The following FGGY variants were observed in gnomAD, a reference collection of about 807,000 sequenced individuals.
FGGY encodes the protein FGGY carbohydrate kinase domain containing, also known as FGGY carbohydrate kinase domain-containing protein.
In FGGY, 72 loss-of-function variants were observed where a neutral mutation model predicts 71.3. That is an observed-to-expected ratio of 1.01 (90% CI 0.84 to 1.23). The LOEUF is 1.23. Among genes scored for constraint, FGGY ranks in the 50% most tolerant of loss-of-function variants. The pLI is 0.00. For missense variants in FGGY, 668 were observed against 682.3 expected (o/e 0.98, Z 0.23); for synonymous variants, 251 against 250.3 (o/e 1.00, Z -0.02).
intron 5 of FGGY, among the ~76,000 whole-genome samples, chr1:59,392,617 C>T (rs1323139935): frequency 6.6e-6 from 1 of 152,318 alleles, no homozygotes; most frequent in East Asian, 1.9e-4. Flanking sequence ...TAAAGTCAAA[C>T]CTTAGAATCC....
intron 7 of FGGY, among the ~76,000 whole-genome samples, chr1:59,537,171 G>A (rs142579387): frequency 0.99 from 147,575 of 148,372 alleles, 73,391 homozygotes; most frequent in East Asian, 1. Context: ...AAATCAATGT[G>A]CAAAAATCAC....
At chr1:59,528,828 T>C (rs971568685) in intron 7 of FGGY, among the ~76,000 whole-genome samples, 1 of 152,242 alleles carries the variant, frequency 6.6e-6, no homozygotes, top group Non-Finnish European at 1.5e-5. Flanking sequence ...ATATTAAATA[T>C]GCCCAGTAAT....
intron 7 of FGGY, among the ~76,000 whole-genome samples, chr1:59,521,035 G>GT (rs1553260232): frequency 0.13 from 11,182 of 86,322 alleles, 555 homozygotes; most frequent in Non-Finnish European, 0.15. Context: ...GAAATTGGGG[G>GT]TGGGGGGGGA....
chr1:59,611,331 C>T, intron 9 of FGGY, among the ~76,000 whole-genome samples: 1 of 152,180 alleles, frequency 6.6e-6, no homozygotes, highest in Non-Finnish European at 1.5e-5. Flanking sequence ...GAGGAAGGAT[C>T]AGGCAGCAAC....
chr1:59,696,560 C>T (rs2097660898), intron 14 of FGGY, among the ~76,000 whole-genome samples: 1 of 152,176 alleles, frequency 6.6e-6, no homozygotes, highest in South Asian at 2.1e-4. Flanking sequence ...GAGCAAGTGG[C>T]GGGGGCCCAG....
At chr1:59,611,418 A>G (rs1572067982) in intron 9 of FGGY, among the ~76,000 whole-genome samples, 2 of 152,196 alleles carry the variant, frequency 1.3e-5, no homozygotes, top group African/African-American at 4.8e-5. Context: ...GCAATCTCCA[A>G]CAGACCTGCA....
chr1:59,406,042 A>G (rs2062686295), intron 5 of FGGY, among the ~76,000 whole-genome samples: 1 of 152,014 alleles, frequency 6.6e-6, no homozygotes, highest in South Asian at 2.1e-4. Flanking sequence ...TGAAACAAAA[A>G]GCATTCTATC....
At chr1:59,665,375 T>A (rs1458596191) in intron 12 of FGGY, among the ~76,000 whole-genome samples, 1 of 152,180 alleles carries the variant, frequency 6.6e-6, no homozygotes, top group Non-Finnish European at 1.5e-5. Context: ...TTTTACCTAA[T>A]CCATATTTTT....
intron 5 of FGGY, among the ~76,000 whole-genome samples, chr1:59,449,563 G>A (rs12735547): frequency 0.028 from 4,250 of 152,248 alleles, 90 homozygotes; most frequent in Middle Eastern, 0.041. Context: ...GATTATAGGC[G>A]TGAGCCACCA....
intron 14 of FGGY, among the ~76,000 whole-genome samples, chr1:59,715,839 C>T (rs993624237): frequency 1.3e-5 from 2 of 152,108 alleles, no homozygotes; most frequent in African/African-American, 4.8e-5. Context: ...CAAACTACTC[C>T]CCACAGGCCA....
At chr1:59,465,419 T>C (rs1243822769) in intron 6 of FGGY, among the ~76,000 whole-genome samples, 1 of 152,162 alleles carries the variant, frequency 6.6e-6, no homozygotes, top group East Asian at 1.9e-4. Context: ...GGGCAAAAAC[T>C]GGAAGCATTC....
intron 14 of FGGY, among the ~76,000 whole-genome samples, chr1:59,688,510 T>C (rs1232762154): frequency 7.2e-5 from 11 of 152,190 alleles, no homozygotes; most frequent in Admixed American, 7.2e-4. Context: ...ACAGAAACAA[T>C]ATTCAGCCTT....
At chr1:59,660,463 T>C (rs1431220964) in intron 12 of FGGY, 170 bp downstream of exon 12, 4 of 480,596 alleles carry the variant, frequency 8.3e-6, no homozygotes, top group Non-Finnish European at 1.5e-5. Flanking sequence ...ATGAAAGGCC[T>C]CACCTGCTTT....
At chr1:59,699,795 A>G (rs2097694855) in intron 14 of FGGY, among the ~76,000 whole-genome samples, 1 of 152,222 alleles carries the variant, frequency 6.6e-6, no homozygotes, top group Non-Finnish European at 1.5e-5. Context: ...TGTAACAGGC[A>G]TGTCCCGCGT....
intron 14 of FGGY, among the ~76,000 whole-genome samples, chr1:59,742,934 T>A (rs1206656855): frequency 6.6e-6 from 1 of 152,238 alleles, no homozygotes; most frequent in Non-Finnish European, 1.5e-5. Flanking sequence ...ACTTTTACCA[T>A]TCTTTAGTTT....
Position 59,518,323 on chromosome 1 carries a change from C to T in FGGY, c.799+5884C>T, listed in dbSNP as rs61787020. Among the ~76,000 whole-genome samples the T allele has an allele frequency of 5.2e-3, 797 of 152,210 alleles. 5 individuals carry two copies. Among genetic ancestry groups the T allele is most frequent in the Admixed American group, 0.013 (196 of 15,294 alleles). On this transcript the variant is annotated intron_variant, in intron 7 of 15. Coordinates refer to ENST00000303721, the MANE Select transcript of FGGY (RefSeq NM_018291.5). Reference sequence around the variant, plus strand: ...GTTCTAGAAGACAGGATAAAGGCTGCGATCTAAAGCCTGCGACTTTAGATA... The same window carrying T: ...GTTCTAGAAGACAGGATAAAGGCTGTGATCTAAAGCCTGCGACTTTAGATA...
intron 14 of FGGY, among the ~76,000 whole-genome samples, chr1:59,678,655 T>C: frequency 6.6e-6 from 1 of 152,182 alleles, no homozygotes; most frequent in African/African-American, 2.4e-5. Context: ...CAGATGTCAT[T>C]AGCTTTCTGT....
intron 14 of FGGY, among the ~76,000 whole-genome samples, chr1:59,724,235 T>C (rs1160483519): frequency 1.3e-5 from 2 of 151,748 alleles, no homozygotes; most frequent in Admixed American, 6.6e-5. Flanking sequence ...TCCCAGCACT[T>C]TGGGAGGCCG....
chr1:59,663,246 A>G (rs1304584747), intron 12 of FGGY, among the ~76,000 whole-genome samples: 1 of 152,222 alleles, frequency 6.6e-6, no homozygotes, highest in East Asian at 1.9e-4. Context: ...AGAGTATGGT[A>G]GTTGGAATCT....
Sources: allele counts gnomAD v4.1 joint callset (sites outside exome capture counted in the v4.1 genomes callset), GRCh38; gene constraint gnomAD v4.1.1; transcripts MANE v1.5; gene names NCBI Gene and HGNC (gene_info 2026-07-23, HGNC 2026-07-21).